Variants in PRDM16 observed in about 807,000 individuals in gnomAD.
PRDM16 encodes histone-lysine N-methyltransferase PRDM16.
Under a neutral mutation model 110.6 loss-of-function variants are expected in PRDM16, and 23 were observed. The ratio of observed to expected loss-of-function variants is 0.21; its 90% CI spans 0.15 to 0.29. The LOEUF is 0.29. Among genes scored for constraint, PRDM16 ranks in the 10% least tolerant of loss-of-function variants. The probability of loss-of-function intolerance (pLI) is 1.00; values close to 1 mark genes in which losing one functional copy is unlikely to be tolerated. For missense variants in PRDM16, 1,615 were observed against 1,794.3 expected, an observed-to-expected ratio of 0.90 and a Z score of 1.81; for synonymous variants, 799 against 781.8, an observed-to-expected ratio of 1.02 and a Z score of -0.37.
rs1477482103 is a variant in PRDM16 at position 3,436,181 on chromosome 1, G to A, written c.*2370G>A. ...ACCCAAATTATATGGTTTCTTCTGC[G>A]AAAGAGTAAGGTGTGTGCTTTTTTT... On this transcript the variant is annotated 3_prime_UTR_variant, in exon 17 of 17. Coordinates refer to ENST00000270722, the MANE Select transcript of PRDM16 (RefSeq NM_022114.4). 4.2e-5 allele frequency: 9 copies of A among 216,254 alleles called. No homozygotes were observed. The highest frequency in any genetic ancestry group is 7.1e-5 in the Non-Finnish European group (8 of 113,220). 13.4% of individuals were successfully genotyped at this position (216,254 alleles called of 1,614,324 possible).
chr1:3,158,010 G>A (rs1643871328), intron 1 of PRDM16, among the ~76,000 whole-genome samples: 2 of 152,316 alleles, frequency 1.3e-5, no homozygotes, highest in South Asian at 4.1e-4. Flanking sequence ...ATTTTGAAAT[G>A]GAAAACCTTG....
chr1:3,347,199 A>G (rs1002631783), intron 3 of PRDM16, among the ~76,000 whole-genome samples: 1 of 152,178 alleles, frequency 6.6e-6, no homozygotes, highest in Non-Finnish European at 1.5e-5. Flanking sequence ...TTCCTGGATG[A>G]TGGTCTTTCC....
intron 2 of PRDM16, among the ~76,000 whole-genome samples, chr1:3,231,553 G>A (rs1639416777): frequency 6.6e-6 from 1 of 152,252 alleles, no homozygotes; most frequent in African/African-American, 2.4e-5. Flanking sequence ...GGAAGCGCTG[G>A]CTTGGGGCCC....
Position 3,426,208 on chromosome 1 carries a change from A to C in PRDM16, c.3267A>C (p.Ser1089=), listed in dbSNP as rs1164238130. 1 of 1,613,628 alleles carries C rather than the reference A, an allele frequency of 6.2e-7. No homozygotes were observed. Among genetic ancestry groups the C allele is most frequent in the South Asian group, 1.1e-5 (1 of 91,034 alleles). ...FIANSEMNQA[S]TRTEKRADMQ... is the part of the protein sequence containing the mutation. ...CCAATAGTGAGATGAACCAAGCATCAACGCGAACAGAGAAACGGTAAGAAA... is the reference window on the plus strand; with the variant it reads ...CCAATAGTGAGATGAACCAAGCATCCACGCGAACAGAGAAACGGTAAGAAA... Residue 1089 remains serine, a synonymous_variant, in exon 14 of 17, where the codon TCA becomes TCC. Transcript: ENST00000270722.
intron 6 of PRDM16, 147 bp from the exon 7 acceptor site, chr1:3,404,592 G>A (rs1349974246): frequency 1.0e-6 from 1 of 965,628 alleles, no homozygotes; most frequent in Non-Finnish European, 1.5e-6. Flanking sequence ...GAGGAGGTGG[G>A]CAGGGAGACA....
chr1:3,300,996 G>A (rs187423424), intron 3 of PRDM16, among the ~76,000 whole-genome samples: 2 of 152,288 alleles, frequency 1.3e-5, no homozygotes, highest in Non-Finnish European at 2.9e-5. Context: ...GTGCAAGGCT[G>A]CACTCCTTGA....
At chr1:3,089,157 T>A (rs1642216999) in intron 1 of PRDM16, among the ~76,000 whole-genome samples, 1 of 152,214 alleles carries the variant, frequency 6.6e-6, no homozygotes, top group Non-Finnish European at 1.5e-5. Context: ...GTGAGGGTGT[T>A]TTGCAGGCCT....
intron 1 of PRDM16, among the ~76,000 whole-genome samples, chr1:3,113,332 A>T (rs1642837499): frequency 1.3e-5 from 2 of 152,058 alleles, no homozygotes; most frequent in African/African-American, 4.8e-5. Flanking sequence ...CGGCTAGGGG[A>T]TTGTGACCCT....
intron 3 of PRDM16, among the ~76,000 whole-genome samples, chr1:3,377,568 C>T (rs545122500): frequency 5.9e-5 from 9 of 152,264 alleles, no homozygotes; most frequent in East Asian, 5.8e-4. Context: ...TGCCCGGCGC[C>T]GGGGAGTGGG....
At chr1:3,315,957 C>T (rs1389371971) in intron 3 of PRDM16, among the ~76,000 whole-genome samples, 1 of 152,042 alleles carries the variant, frequency 6.6e-6, no homozygotes, top group Non-Finnish European at 1.5e-5. Context: ...TGAATGACAT[C>T]TCAGGGGACA....
At chr1:3,432,204 A>C (rs1569791769) in intron 16 of PRDM16, 64 bp downstream of exon 16, 1 of 1,461,854 alleles carries the variant, frequency 6.8e-7, no homozygotes. Context: ...GACAGCCAGC[A>C]CTCCTCTCCC....
intron 1 of PRDM16, among the ~76,000 whole-genome samples, chr1:3,158,101 T>C (rs1233978150): frequency 6.6e-6 from 1 of 152,226 alleles, no homozygotes; most frequent in Non-Finnish European, 1.5e-5. Flanking sequence ...ACATAAATGA[T>C]TTCTGGTGTG....
intron 3 of PRDM16, among the ~76,000 whole-genome samples, chr1:3,280,258 C>A (rs1007374582): frequency 6.6e-6 from 1 of 152,244 alleles, no homozygotes; most frequent in South Asian, 2.1e-4. Context: ...GTGCATGTGA[C>A]GTGTGCACAT....
chr1:3,266,233 G>A (rs1640285961), intron 3 of PRDM16, among the ~76,000 whole-genome samples: 2 of 152,214 alleles, frequency 1.3e-5, no homozygotes, highest in African/African-American at 4.8e-5. Flanking sequence ...CTGGCCCTCT[G>A]ACATCTTAAT....
At chr1:3,354,315 C>G (rs1233243127) in intron 3 of PRDM16, among the ~76,000 whole-genome samples, 1 of 152,036 alleles carries the variant, frequency 6.6e-6, no homozygotes, top group Non-Finnish European at 1.5e-5. Flanking sequence ...CAAAAATTAG[C>G]CAGGCGTTGT....
chr1:3,253,162 C>T (rs576925094), intron 3 of PRDM16, among the ~76,000 whole-genome samples: 1 of 151,696 alleles, frequency 6.6e-6, no homozygotes, highest in African/African-American at 2.4e-5. Flanking sequence ...CAGGCCACGT[C>T]GGAAAATAAG....
intron 3 of PRDM16, among the ~76,000 whole-genome samples, chr1:3,348,550 G>A (rs932841706): frequency 1.3e-5 from 2 of 152,224 alleles, no homozygotes; most frequent in Non-Finnish European, 2.9e-5. Context: ...ACAGTGGGGA[G>A]GGACATGCAC....
intron 3 of PRDM16, among the ~76,000 whole-genome samples, chr1:3,314,671 G>A (rs78782840): frequency 1.6e-4 from 24 of 151,628 alleles, no homozygotes; most frequent in Non-Finnish European, 3.1e-4. Flanking sequence ...AATCGCCTTC[G>A]CCCCCGTAGC....
intron 3 of PRDM16, among the ~76,000 whole-genome samples, chr1:3,300,674 A>T (rs964623591): frequency 1.1e-4 from 16 of 152,156 alleles, no homozygotes; most frequent in Non-Finnish European, 1.8e-4. Flanking sequence ...CTCTACCAAG[A>T]TCCACGCATC....
Sources: gnomAD v4.1 joint callset for allele counts (sites outside exome capture counted in the v4.1 genomes callset) on GRCh38, gnomAD v4.1.1 for gene constraint, MANE v1.5 for transcripts, NCBI Gene and HGNC (gene_info 2026-07-23, HGNC 2026-07-21) for gene names.